P3H2: variants seen among roughly 807,000 people sequenced by gnomAD.
P3H2 encodes leprecan-like 1.
In P3H2, 80 loss-of-function variants were observed where a neutral mutation model predicts 87.0. The ratio of observed to expected loss-of-function variants is 0.92; its 90% CI spans 0.77 to 1.11. The LOEUF (loss-of-function observed/expected upper bound fraction) is 1.11. P3H2 is among the 50% of genes least tolerant of loss of function. The probability of loss-of-function intolerance (pLI) is 0.00; values close to 1 mark genes in which losing one functional copy is unlikely to be tolerated. For synonymous variants in P3H2, 367 were observed against 359.3 expected (o/e 1.02, Z -0.24); for missense variants, 1,001 against 923.9 (o/e 1.08, Z -1.08).
intron 13 of P3H2, among the ~76,000 whole-genome samples, chr3:189,970,225 A>ATATATATATATATATATATAT (rs1321977971): frequency 4.4e-5 from 2 of 45,332 alleles, no homozygotes; most frequent in Non-Finnish European, 8.1e-5. Flanking sequence ...TATATATATG[A>ATATATATATATATATATATAT]GGCCATGTCT....
intron 4 of P3H2, among the ~76,000 whole-genome samples, chr3:189,988,108 C>T (rs1723762334): frequency 6.6e-6 from 1 of 152,040 alleles, no homozygotes; most frequent in African/African-American, 2.4e-5. Context: ...TTTTTCATTG[C>T]TGCAGTTTGT....
chr3:190,004,476 G>A (rs958239995), intron 1 of P3H2, among the ~76,000 whole-genome samples: 2 of 151,924 alleles, frequency 1.3e-5, no homozygotes, highest in Admixed American at 6.6e-5. Context: ...TCCGCCTCCC[G>A]GGTTCACGCC....
chr3:190,111,250 G>C (rs981014501), intron 1 of P3H2, among the ~76,000 whole-genome samples: 2 of 152,176 alleles, frequency 1.3e-5, no homozygotes, highest in Non-Finnish European at 2.9e-5. Context: ...GGCATATAAT[G>C]CAAGTGGCAT....
chr3:190,090,407 T>C (rs1321133329), intron 1 of P3H2, among the ~76,000 whole-genome samples: 2 of 152,130 alleles, frequency 1.3e-5, no homozygotes, highest in Non-Finnish European at 2.9e-5. Context: ...ACTCAAAAAA[T>C]ATTTACCACC....
intron 14 of P3H2, among the ~76,000 whole-genome samples, chr3:189,959,023 CTCA>C (rs1232602838): frequency 1.3e-5 from 2 of 151,982 alleles, no homozygotes; most frequent in Non-Finnish European, 2.9e-5. Flanking sequence ...ATTGTAAGCC[CTCA>C]TCATCTCTTA....
chr3:189,959,706 C>T (rs1722752777), intron 14 of P3H2, among the ~76,000 whole-genome samples: 1 of 152,080 alleles, frequency 6.6e-6, no homozygotes. Flanking sequence ...TTATTCCTCA[C>T]ATTAATCCAT....
chr3:189,963,823 C>T, intron 14 of P3H2, 135 bp downstream of exon 14: 1 of 841,228 alleles, frequency 1.2e-6, no homozygotes, highest in Non-Finnish European at 2.0e-6. Context: ...AACATCTTCA[C>T]TTACTAGAAC....
chr3:190,014,885 T>C (rs547238262), intron 1 of P3H2, among the ~76,000 whole-genome samples: 1 of 152,258 alleles, frequency 6.6e-6, no homozygotes, highest in East Asian at 1.9e-4. Context: ...AGACCAGACA[T>C]CAGAAGAGAG....
At chr3:190,078,749 C>T (rs951641039) in intron 1 of P3H2, among the ~76,000 whole-genome samples, 1 of 152,186 alleles carries the variant, frequency 6.6e-6, no homozygotes, top group African/African-American at 2.4e-5. Flanking sequence ...TATACCCAAA[C>T]TTTTTATTTG....
chr3:190,005,333 G>C (rs1724355234), intron 1 of P3H2, among the ~76,000 whole-genome samples: 1 of 152,184 alleles, frequency 6.6e-6, no homozygotes, highest in South Asian at 2.1e-4. Context: ...TTCCTGAGTA[G>C]ACTGCATGGG....
rs533458804 is a variant in P3H2, at chr3:190,063,876, G to A, written c.480+56376C>T. ...ACTTTCTGCGAGAAATGAATTTGAA[G>A]AGCCTCCTTGCTCTTTTCACCATGA... On this transcript the variant is annotated intron_variant, in intron 1 of 14. Coordinates refer to ENST00000319332, the MANE Select transcript of P3H2 (RefSeq NM_018192.4). Among the ~76,000 whole-genome samples, 10 of 152,010 alleles carry A rather than the reference G, an allele frequency of 6.6e-5. No homozygotes were observed. In the South Asian group the frequency reaches 2.1e-3, roughly 32 times the overall value.
chr3:189,966,159 GA>G (rs1160009594), intron 13 of P3H2, among the ~76,000 whole-genome samples: 1 of 144,658 alleles, frequency 6.9e-6, no homozygotes, highest in Non-Finnish European at 1.5e-5. Context: ...AAGAAAGAAA[GA>G]AAGAAAGAAA....
intron 1 of P3H2, among the ~76,000 whole-genome samples, chr3:190,006,204 A>G (rs1724382738): frequency 6.6e-6 from 1 of 152,218 alleles, no homozygotes; most frequent in Non-Finnish European, 1.5e-5. Context: ...TGGCACTTGC[A>G]TTGATCTTAT....
At chr3:190,072,964 A>C (rs1026228059) in intron 1 of P3H2, among the ~76,000 whole-genome samples, 7 of 152,214 alleles carry the variant, frequency 4.6e-5, no homozygotes, top group African/African-American at 1.7e-4. Flanking sequence ...ATCATTCTTA[A>C]ATCACTATTG....
intron 1 of P3H2, among the ~76,000 whole-genome samples, chr3:190,046,815 C>G (rs1180427168): frequency 6.7e-6 from 1 of 149,530 alleles, no homozygotes; most frequent in African/African-American, 2.5e-5. Flanking sequence ...GGTAATTTAC[C>G]CTATTAAGCC....
At chr3:190,023,710 T>A (rs776336578) in intron 1 of P3H2, among the ~76,000 whole-genome samples, 1 of 152,196 alleles carries the variant, frequency 6.6e-6, no homozygotes, top group Middle Eastern at 3.2e-3. Context: ...TCTATTTATC[T>A]ATGTAAAATT....
intron 1 of P3H2, among the ~76,000 whole-genome samples, chr3:190,020,539 T>C (rs1181555045): frequency 7.4e-6 from 1 of 134,644 alleles, no homozygotes; most frequent in Non-Finnish European, 1.7e-5. Context: ...ATCTTTTTTA[T>C]GGCTCAATAG....
Position 190,096,509 on chromosome 3 carries a change from C to T in P3H2, c.480+23743G>A, listed in dbSNP as rs182521770. ...TTCCTGTGGAATTGTGTCAATTACACCTCTTTTCTTCATAAATGACCCAGT... is the reference window on the plus strand; with the variant it reads ...TTCCTGTGGAATTGTGTCAATTACATCTCTTTTCTTCATAAATGACCCAGT... On this transcript the variant is annotated intron_variant, in intron 1 of 14. Coordinates refer to ENST00000319332, the MANE Select transcript of P3H2 (RefSeq NM_018192.4). Among the ~76,000 whole-genome samples, 21 of 152,280 alleles carry T rather than the reference C, an allele frequency of 1.4e-4. No homozygotes were observed. The East Asian group carries it at 4.1e-3, about 29-fold the overall frequency.
intron 1 of P3H2, among the ~76,000 whole-genome samples, chr3:190,033,019 T>C (rs1719623): frequency 0.8 from 121,676 of 152,180 alleles, 48,695 homozygotes; most frequent in East Asian, 0.86. Flanking sequence ...TCCCATCTAG[T>C]GGTGATGGGA....
Sources: gnomAD v4.1 joint callset for allele counts (sites outside exome capture counted in the v4.1 genomes callset) on GRCh38, gnomAD v4.1.1 for gene constraint, MANE v1.5 for transcripts, NCBI Gene and HGNC (gene_info 2026-07-23, HGNC 2026-07-21) for gene names.